The following LHPP variants were observed in gnomAD, a reference collection of about 807,000 sequenced individuals.
LHPP encodes phospholysine phosphohistidine inorganic pyrophosphate phosphatase.
In LHPP, 24 loss-of-function variants were observed where a neutral mutation model predicts 30.3. The ratio of observed to expected loss-of-function variants is 0.79; its 90% CI spans 0.57 to 1.11. The LOEUF (loss-of-function observed/expected upper bound fraction) is 1.11. Among genes scored for constraint, LHPP ranks in the 50% most tolerant of loss-of-function variants. The pLI is 0.00. For synonymous variants in LHPP, 150 were observed against 157.1 expected (o/e 0.95, Z 0.34); for missense variants, 356 against 367.2 (o/e 0.97, Z 0.25).
chr10:124,488,878 G>A (rs1953422837), intron 3 of LHPP, among the ~76,000 whole-genome samples: 1 of 152,158 alleles, frequency 6.6e-6, no homozygotes, highest in Non-Finnish European at 1.5e-5. Context: ...GAGGCCAAGT[G>A]TTGATTGTCC....
At chr10:124,546,662 A>C (rs947634020) in intron 6 of LHPP, among the ~76,000 whole-genome samples, 1 of 151,738 alleles carries the variant, frequency 6.6e-6, no homozygotes. Context: ...CGCCCGCCTC[A>C]GCCTCCCAAA....
At chr10:124,495,975 CAA>C (rs1400245602) in intron 3 of LHPP, among the ~76,000 whole-genome samples, 13 of 152,212 alleles carry the variant, frequency 8.5e-5, no homozygotes, top group African/African-American at 3.1e-4. Context: ...TCTGAATGCT[CAA>C]GTCAGCATGC....
intron 5 of LHPP, among the ~76,000 whole-genome samples, chr10:124,508,756 G>T (rs2133897865): frequency 6.6e-6 from 1 of 152,248 alleles, no homozygotes; most frequent in African/African-American, 2.4e-5. Context: ...CACAAATCAT[G>T]CTTGATCTTG....
Position 124,523,317 on chromosome 10 carries a change from G to T in LHPP, c.716+6046G>T, listed in dbSNP as rs1174546993. On this transcript the variant is annotated intron_variant, in intron 6 of 6. Transcript: ENST00000368842. This position sits in a 1 kb window ranked among gnomAD's most constrained non-coding sequence, Gnocchi z 4.2. ...GAAGGGGTTTCCCCCCAGTGGGGTGGCCAGCCGATCTAGGATTCCAGCCGC... is the reference window on the plus strand; with the variant it reads ...GAAGGGGTTTCCCCCCAGTGGGGTGTCCAGCCGATCTAGGATTCCAGCCGC... 6.6e-6 allele frequency among the ~76,000 whole-genome samples: 1 copy of T among 152,200 alleles called. No homozygotes were observed. The highest frequency in any genetic ancestry group is 3.2e-3 in the Middle Eastern group (1 of 316).
At chr10:124,595,339 C>T (rs1948929637) in intron 6 of LHPP, among the ~76,000 whole-genome samples, 1 of 152,320 alleles carries the variant, frequency 6.6e-6, no homozygotes, top group African/African-American at 2.4e-5. Context: ...CCCGGTTGTC[C>T]CCCATGGAGC....
At chr10:124,551,928 C>T (rs533927219) in intron 6 of LHPP, among the ~76,000 whole-genome samples, 3 of 152,048 alleles carry the variant, frequency 2.0e-5, no homozygotes, top group South Asian at 2.1e-4. Flanking sequence ...CACCAGGGAC[C>T]GTGCTGAGGC....
At chr10:124,479,757 C>T (rs1953068793) in intron 1 of LHPP, among the ~76,000 whole-genome samples, 1 of 152,194 alleles carries the variant, frequency 6.6e-6, no homozygotes, top group African/African-American at 2.4e-5. Context: ...CCACAAAGGC[C>T]CTGTCTCCAG....
chr10:124,469,244 AGCT>A (rs1163760316), intron 1 of LHPP, among the ~76,000 whole-genome samples: 3 of 152,040 alleles, frequency 2.0e-5, no homozygotes, highest in African/African-American at 7.2e-5. Flanking sequence ...CCTCCGTGGC[AGCT>A]CCCGGCACCA....
chr10:124,492,090 C>T (rs1366153029), intron 3 of LHPP, among the ~76,000 whole-genome samples: 1 of 152,178 alleles, frequency 6.6e-6, no homozygotes, highest in Non-Finnish European at 1.5e-5. Context: ...GAGCCACTGC[C>T]TCCATTAGTT....
At chr10:124,574,903 C>T (rs1003057732) in intron 6 of LHPP, among the ~76,000 whole-genome samples, 4 of 152,110 alleles carry the variant, frequency 2.6e-5, no homozygotes, top group Non-Finnish European at 5.9e-5. Flanking sequence ...CCAGGGAACC[C>T]ACCTGGGTTG....
At chr10:124,512,936 T>G (rs1176270124) in intron 5 of LHPP, among the ~76,000 whole-genome samples, 1 of 152,182 alleles carries the variant, frequency 6.6e-6, no homozygotes, top group Non-Finnish European at 1.5e-5. Flanking sequence ...AGAGTCCAAA[T>G]CTATGGGACA....
intron 6 of LHPP, among the ~76,000 whole-genome samples, chr10:124,536,544 G>C (rs2133938613): frequency 6.6e-6 from 1 of 152,364 alleles, no homozygotes; most frequent in South Asian, 2.1e-4. Flanking sequence ...GGGAGGCCAA[G>C]CTGCTGGGGC....
rs563449251 is a variant in LHPP, at chr10:124,572,310, A to C, written c.717-40954A>C. Among the ~76,000 whole-genome samples, 29 of 152,256 alleles carry C rather than the reference A, an allele frequency of 1.9e-4. No individual in the cohort carries two copies. In the East Asian group the frequency reaches 4.8e-3, roughly 25 times the overall value. On this transcript the variant is annotated intron_variant, in intron 6 of 6. Coordinates refer to ENST00000368842, the MANE Select transcript of LHPP (RefSeq NM_022126.4). ...GGAGTGGTGGCGGTCACTGGCACCG[A>C]GAAGTGTACATGCTGCAAAGAAAAT...
At chr10:124,587,061 C>G (rs12768101) in intron 6 of LHPP, among the ~76,000 whole-genome samples, 1 of 137,606 alleles carries the variant, frequency 7.3e-6, no homozygotes, top group Non-Finnish European at 1.5e-5. Context: ...CAGTGTTTTG[C>G]TCTCGTCACC....
At chr10:124,528,383 G>C (rs1044078327) in intron 6 of LHPP, among the ~76,000 whole-genome samples, 9 of 151,582 alleles carry the variant, frequency 5.9e-5, no homozygotes, top group African/African-American at 2.2e-4. Context: ...TTTTGAAACG[G>C]AGTCTTGCTC....
intron 5 of LHPP, among the ~76,000 whole-genome samples, chr10:124,506,269 C>A (rs1204616265): frequency 8.0e-6 from 1 of 125,030 alleles, no homozygotes; most frequent in African/African-American, 3.0e-5. Flanking sequence ...ACAAACCCCC[C>A]CCCCACCCCG....
In LHPP at chr10:124,504,828, C is replaced by T. The variant is rs761376242; in HGVS notation, c.624+6700C>T. ...TCGAATGAGATACAGCCCACCTCAC[C>T]GCCGAAAGAAGACCCCTCATGGGGG... On this transcript the variant is annotated intron_variant, in intron 5 of 6. Transcript: ENST00000368842. 2.6e-5 allele frequency among the ~76,000 whole-genome samples: 4 copies of T among 152,102 alleles called. No individual in the cohort carries two copies. In the East Asian group the frequency reaches 5.8e-4, roughly 22 times the overall value.
intron 3 of LHPP, among the ~76,000 whole-genome samples, chr10:124,491,310 G>A (rs1953519686): frequency 6.6e-6 from 1 of 152,232 alleles, no homozygotes; most frequent in African/African-American, 2.4e-5. Context: ...TGCTTCTGGT[G>A]ACAGCGCTCA....
At chr10:124,565,352 C>T (rs1352191936) in intron 6 of LHPP, among the ~76,000 whole-genome samples, 1 of 152,086 alleles carries the variant, frequency 6.6e-6, no homozygotes, top group Non-Finnish European at 1.5e-5. Context: ...TACTGAGGGT[C>T]GAGAAATACA....
Sources: allele counts gnomAD v4.1 joint callset (sites outside exome capture counted in the v4.1 genomes callset), GRCh38; gene constraint gnomAD v4.1.1; non-coding constraint Gnocchi (gnomAD v3.1); transcripts MANE v1.5; gene names NCBI Gene and HGNC (gene_info 2026-07-23, HGNC 2026-07-21).